The following CUX1 variants were observed in gnomAD, a reference collection of about 807,000 sequenced individuals.
CUX1 encodes the protein cut like homeobox 1.
Under a neutral mutation model 158.8 loss-of-function variants are expected in CUX1, and 31 were observed. That is an observed-to-expected ratio of 0.20 (90% confidence interval 0.15 to 0.26). CUX1 has a LOEUF of 0.26. Ranked by LOEUF, CUX1 falls within the 10% of genes least tolerant of loss-of-function variation. The pLI is 1.00. For synonymous variants in CUX1, 879 were observed against 862.1 expected (o/e 1.02, Z -0.34); for missense variants, 1,589 against 2,014.6 (o/e 0.79, Z 4.04).
At chr7:102,183,922 G>T (rs1173520927) in intron 11 of CUX1, among the ~76,000 whole-genome samples, 2 of 152,188 alleles carry the variant, frequency 1.3e-5, no homozygotes, top group Non-Finnish European at 2.9e-5. Context: ...TTTTGAGACA[G>T]GGTCTCACTC....
chr7:102,233,694 G>C (rs987085202), intron 21 of CUX1, among the ~76,000 whole-genome samples: 1 of 152,168 alleles, frequency 6.6e-6, no homozygotes, highest in Admixed American at 6.5e-5. Flanking sequence ...GGCTGAGACA[G>C]GAGAATTGCT....
intron 8 of CUX1, among the ~76,000 whole-genome samples, chr7:102,128,353 G>A (rs545428914): frequency 2.6e-5 from 4 of 152,226 alleles, no homozygotes; most frequent in African/African-American, 9.6e-5. Context: ...CTGTCCCCAG[G>A]TGTGACCCCA....
At chr7:101,823,078 C>T (rs556392951) in intron 1 of CUX1, among the ~76,000 whole-genome samples, 18 of 152,178 alleles carry the variant, frequency 1.2e-4, no homozygotes, top group Non-Finnish European at 2.4e-4. Context: ...TTTAATCCAA[C>T]GGCATTTCCT....
intron 3 of CUX1, among the ~76,000 whole-genome samples, chr7:102,065,850 G>A (rs1027544476): frequency 2.0e-5 from 3 of 151,972 alleles, no homozygotes; most frequent in Non-Finnish European, 4.4e-5. Flanking sequence ...GAGTGCAGTG[G>A]CGTGATCTCG....
At chr7:101,867,631 C>G (rs1224152415) in intron 1 of CUX1, among the ~76,000 whole-genome samples, 1 of 152,208 alleles carries the variant, frequency 6.6e-6, no homozygotes, top group Non-Finnish European at 1.5e-5. Context: ...GATGCTGCTG[C>G]CCGTGGTGGC....
chr7:102,104,382 G>A lies in CUX1; in HGVS notation c.453G>A (p.Gln151=). ...AAGAGAAAATCCGAGAATATGAACA[G>A]ACACTGAAGAACCAAGCCGAAACCA... The part of the protein sequence containing the change: ...ALKEKIREYE[Q]TLKNQAETIA... Residue 151 remains glutamine, a synonymous_variant, in exon 6 of 24, where the codon CAG becomes CAA. Transcript: ENST00000292535. 1.2e-6 allele frequency: 2 copies of A among 1,611,514 alleles called. No homozygotes were observed. The highest frequency in any genetic ancestry group is 2.2e-5 in the South Asian group (2 of 91,038).
chr7:102,209,833 CAG>C (rs781937209), intron 20 of CUX1, among the ~76,000 whole-genome samples: 6 of 152,154 alleles, frequency 3.9e-5, no homozygotes, highest in Non-Finnish European at 7.3e-5. Context: ...CTTGTTTGCT[CAG>C]AGTGTGGCCT....
At chr7:101,993,448 G>C (rs1191103048) in intron 2 of CUX1, among the ~76,000 whole-genome samples, 3 of 152,176 alleles carry the variant, frequency 2.0e-5, no homozygotes, top group Non-Finnish European at 2.9e-5. Context: ...TGCTCTGATG[G>C]GGGGTGGGAG....
Position 102,253,024 on chromosome 7 carries a change from C to T in CUX1, c.*3982C>T, listed in dbSNP as rs1801682553. On this transcript the variant is annotated 3_prime_UTR_variant, in exon 24 of 24. Coordinates refer to ENST00000292535, the MANE Select transcript of CUX1 (RefSeq NM_181552.4). ...CACCATCAAAACCTGCTACTTTGTG[C>T]AAGTAATTGAGGCAAAAGATACCAG... 2 of 985,454 alleles carry T rather than the reference C, an allele frequency of 2.0e-6. No individual in the cohort carries two copies. The highest frequency in any genetic ancestry group is 2.4e-6 in the Non-Finnish European group (2 of 829,946). The allele number at this position is 985,454 out of a possible 1,614,324, so 61.0% of individuals were successfully genotyped here. A position where few individuals can be genotyped will look rare whatever the true frequency, so the allele number is the denominator to read the frequency against.
chr7:102,260,101 GGA>G (rs1491516960), downstream of CUX1, among the ~76,000 whole-genome samples: 101 of 85,464 alleles, frequency 1.2e-3, no homozygotes, highest in African/African-American at 1.5e-3. Context: ...AATCTTGGGG[GGA>G]AAAAAAAAAA....
At chr7:101,893,158 CTTTTTTTTTT>C (rs10589615) in intron 1 of CUX1, among the ~76,000 whole-genome samples, 1 of 64,930 alleles carries the variant, frequency 1.5e-5, no homozygotes, top group African/African-American at 6.1e-5. Context: ...ATTTTTATTA[CTTTTTTTTTT>C]TTTTTTTTTT....
At chr7:102,116,688 A>G (rs1198094300) in intron 8 of CUX1, among the ~76,000 whole-genome samples, 1 of 152,112 alleles carries the variant, frequency 6.6e-6, no homozygotes, top group African/African-American at 2.4e-5. Context: ...AAAACATGTC[A>G]GGGGCTGATT....
At position 102,257,997 on chromosome 7, in the gene CUX1, C is replaced by G. The variant is rs1451504700; in HGVS notation, c.*8955C>G. The stretch of plus-strand genomic sequence containing the variant: ...ATTTTATTTCTTGCTATTTGTTTTT[C>G]TACATTAAGAGTCAAAGTTGACCTG... On this transcript the variant is annotated 3_prime_UTR_variant, in exon 24 of 24. Coordinates refer to ENST00000292535, the MANE Select transcript of CUX1 (RefSeq NM_181552.4). 1 of 955,196 alleles carries G rather than the reference C, an allele frequency of 1.0e-6. No homozygotes were observed. Among genetic ancestry groups the G allele is most frequent in the African/African-American group, 2.1e-5 (1 of 46,718 alleles). The allele number at this position is 955,196 out of a possible 1,614,324, so 59.2% of individuals were successfully genotyped here.
In CUX1 at chr7:102,257,317, T is replaced by A; in HGVS notation, c.*8275T>A. On this transcript the variant is annotated 3_prime_UTR_variant, in exon 24 of 24. Coordinates refer to ENST00000292535, the MANE Select transcript of CUX1 (RefSeq NM_181552.4). The stretch of plus-strand genomic sequence containing the variant: ...ATCTCCCCAGAAGCCTTTTTTTTTT[T>A]CATTTTTCTCTAATTAGTCTATGCA... The A allele has an allele frequency of 1.0e-6, 1 of 984,802 alleles. No homozygotes were observed. Among genetic ancestry groups the A allele is most frequent in the Non-Finnish European group, 1.2e-6 (1 of 829,766 alleles). The allele number at this position is 984,802 out of a possible 1,614,324, so 61.0% of individuals were successfully genotyped here.
At chr7:102,171,297 C>T (rs1050210926) in intron 10 of CUX1, among the ~76,000 whole-genome samples, 6 of 152,084 alleles carry the variant, frequency 3.9e-5, no homozygotes, top group Non-Finnish European at 8.8e-5. Context: ...TCCGTTTCCC[C>T]GCCTGTAAAC....
At chr7:101,932,777 A>G (rs1252136813) in intron 2 of CUX1, among the ~76,000 whole-genome samples, 1 of 152,254 alleles carries the variant, frequency 6.6e-6, no homozygotes, top group Non-Finnish European at 1.5e-5. Context: ...TTAACAGTGA[A>G]TTGAGACAAG....
intron 1 of CUX1, among the ~76,000 whole-genome samples, chr7:101,862,775 G>T (rs370719280): frequency 2.0e-5 from 3 of 152,104 alleles, no homozygotes; most frequent in Non-Finnish European, 2.9e-5. Flanking sequence ...GTGTGTGTGT[G>T]TGTGGAAAGT....
intron 7 of CUX1, among the ~76,000 whole-genome samples, chr7:102,114,125 C>T (rs1338275456): frequency 6.6e-6 from 1 of 152,168 alleles, no homozygotes; most frequent in Non-Finnish European, 1.5e-5. Context: ...GACTCCCATA[C>T]CATACTGCCC....
At chr7:102,204,595 C>T (rs782514743) in intron 19 of CUX1, 39 bp downstream of exon 19, 1 of 1,602,708 alleles carries the variant, frequency 6.2e-7, no homozygotes, top group Non-Finnish European at 8.5e-7. Context: ...GCTGCCCCCC[C>T]ATAGCAAGGA....
Sources: gnomAD v4.1 joint callset for allele counts (sites outside exome capture counted in the v4.1 genomes callset) on GRCh38, gnomAD v4.1.1 for gene constraint, MANE v1.5 for transcripts, NCBI Gene and HGNC (gene_info 2026-07-23, HGNC 2026-07-21) for gene names.